Variants in CCDC68 observed in about 807,000 individuals in gnomAD.
CCDC68 encodes coiled-coil domain-containing protein 68.
CCDC68 carries 45 observed loss-of-function variants against 47.1 expected under a neutral mutation model. That is an observed-to-expected ratio of 0.96 (90% CI 0.75 to 1.23). The LOEUF (loss-of-function observed/expected upper bound fraction) is 1.23, where lower values mean the gene tolerates loss of function less well. Ranked by LOEUF, CCDC68 falls within the 50% of genes most tolerant of loss-of-function variation. CCDC68 has a pLI of 0.00. For missense variants in CCDC68, 353 were observed against 373.6 expected, an observed-to-expected ratio of 0.94 and a Z score of 0.45; for synonymous variants, 131 against 129.5, an observed-to-expected ratio of 1.01 and a Z score of -0.08.
At chr18:54,952,564 A>C (rs565014203) in intron 1 of CCDC68, among the ~76,000 whole-genome samples, 2 of 152,238 alleles carry the variant, frequency 1.3e-5, no homozygotes, top group African/African-American at 2.4e-5. Context: ...CTATACAGTT[A>C]AATACATAGT....
At chr18:54,954,720 A>G (rs140607504) in intron 1 of CCDC68, 43 of 152,328 alleles carry the variant, frequency 2.8e-4, no homozygotes, top group African/African-American at 1.0e-3. Flanking sequence ...TACTTGCTAT[A>G]AAATCGTGAG....
At chr18:54,904,511 A>G (rs1913871432) in intron 11 of CCDC68, 96 bp from the exon 12 acceptor site, 3 of 883,836 alleles carry the variant, frequency 3.4e-6, no homozygotes, top group Non-Finnish European at 5.5e-6. Context: ...TACTATTCAC[A>G]TCAAATCTGA....
At chr18:54,939,450 C>T (rs557205348) in intron 4 of CCDC68, among the ~76,000 whole-genome samples, 43 of 152,116 alleles carry the variant, frequency 2.8e-4, no homozygotes, top group South Asian at 1.9e-3. Context: ...AGCCTAGATG[C>T]GGCCTTTCTA....
chr18:54,942,589 G>C lies in CCDC68; in HGVS notation c.117+86C>G, dbSNP rs751925094. 46 of 802,136 alleles carry C rather than the reference G, an allele frequency of 5.7e-5. No homozygotes were observed. The Admixed American group carries it at 1.0e-3, about 18-fold the overall frequency. 49.7% of individuals were successfully genotyped at this position (802,136 alleles called of 1,614,324 possible). On this transcript the variant is annotated intron_variant, in intron 3 of 11. Transcript: ENST00000591504. ...GGTTGTTCCTTTACATATGTTCTAT[G>C]GAGAGGGAAACAAAATCCTCCAGCC...
rs183183933 is a variant in CCDC68, at chr18:54,929,722, T to C, written c.601-840A>G. 5.2e-4 allele frequency among the ~76,000 whole-genome samples: 79 copies of C among 152,294 alleles called. 1 individual carries two copies. Among genetic ancestry groups the C allele is most frequent in the African/African-American group, 1.7e-3 (71 of 41,560 alleles). On this transcript the variant is annotated intron_variant, in intron 7 of 11. Transcript: ENST00000591504. ...AAACCATAATGCTGTTTAAAATTAC[T>C]TCCCGCTGCAGCATCTGAGTGAGTG...
chr18:54,937,304 A>C, intron 5 of CCDC68: 1 of 183,448 alleles, frequency 5.5e-6, no homozygotes, highest in Admixed American at 5.9e-5. Flanking sequence ...TAATGTCCAT[A>C]ACACTATTAA....
At chr18:54,938,880 G>A (rs905123962) in intron 4 of CCDC68, among the ~76,000 whole-genome samples, 1 of 152,164 alleles carries the variant, frequency 6.6e-6, no homozygotes, top group Non-Finnish European at 1.5e-5. Flanking sequence ...GCTTCTATTT[G>A]TTAAACACCT....
intron 10 of CCDC68, among the ~76,000 whole-genome samples, chr18:54,916,141 C>T (rs753362523): frequency 3.6e-4 from 54 of 152,096 alleles, no homozygotes; most frequent in Non-Finnish European, 6.8e-4. Flanking sequence ...TTACTGGGCA[C>T]TTGAGTGAAC....
intron 1 of CCDC68, among the ~76,000 whole-genome samples, chr18:54,953,126 T>C (rs185792719): frequency 1.3e-4 from 20 of 152,308 alleles, no homozygotes; most frequent in African/African-American, 4.6e-4. Flanking sequence ...ATGGTTCCAT[T>C]TGACATTCTA....
In CCDC68 at chr18:54,904,297, T is replaced by C. The variant is rs942657208; in HGVS notation, c.*61A>G. The C allele has an allele frequency of 1.5e-6, 2 of 1,321,040 alleles. No individual in the cohort carries two copies. The highest frequency in any genetic ancestry group is 3.5e-5 in the Admixed American group (2 of 57,330). The allele number at this position is 1,321,040 out of a possible 1,614,324, so 81.8% of individuals were successfully genotyped here. On this transcript the variant is annotated 3_prime_UTR_variant, in exon 12 of 12. Transcript: ENST00000591504. ...CCATTTTAACATGAAACTTGGGCTG[T>C]GTTTCAGAGAATAAATAAGACTCAC...
intron 1 of CCDC68, among the ~76,000 whole-genome samples, chr18:54,958,537 C>G (rs1192644251): frequency 6.6e-6 from 1 of 152,074 alleles, no homozygotes; most frequent in Non-Finnish European, 1.5e-5. Context: ...GTTTTGATTC[C>G]TAAAATAAAA....
chr18:54,956,795 G>A (rs2044719244), intron 1 of CCDC68, among the ~76,000 whole-genome samples: 1 of 152,142 alleles, frequency 6.6e-6, no homozygotes, highest in African/African-American at 2.4e-5. Flanking sequence ...GGGATATTTG[G>A]GGAATGATGA....
At chr18:54,919,136 G>C (rs1304749879) in intron 9 of CCDC68, 135 bp downstream of exon 9, 1 of 669,434 alleles carries the variant, frequency 1.5e-6, no homozygotes, top group Non-Finnish European at 2.7e-6. Flanking sequence ...GAGACATATT[G>C]CATGAGAAAC....
intron 2 of CCDC68, 117 bp from the exon 3 acceptor site, chr18:54,942,920 T>C (rs2044462731): frequency 1.5e-6 from 1 of 650,608 alleles, no homozygotes; most frequent in Non-Finnish European, 2.7e-6. Flanking sequence ...AGAAAAGCTA[T>C]AAATCATTGG....
At chr18:54,943,159 C>G (rs991819623) in intron 2 of CCDC68, among the ~76,000 whole-genome samples, 1 of 152,018 alleles carries the variant, frequency 6.6e-6, no homozygotes, top group Admixed American at 6.6e-5. Flanking sequence ...GTAGAATTAA[C>G]ATGATACAAT....
chr18:54,938,107 A>T lies in CCDC68; in HGVS notation c.205-10T>A. The T allele has an allele frequency of 6.2e-7, 1 of 1,604,676 alleles. No individual in the cohort carries two copies. Among genetic ancestry groups the T allele is most frequent in the South Asian group, 1.1e-5 (1 of 88,548 alleles). On this transcript the variant is annotated splice_polypyrimidine_tract_variant and intron_variant, in intron 4 of 11. Transcript: ENST00000591504. The stretch of plus-strand genomic sequence containing the variant: ...GAAGGTTTCCACAGTGCTGAAACGG[A>T]CAAATGAAAATCATAGACCTGACTA...
intron 1 of CCDC68, among the ~76,000 whole-genome samples, chr18:54,953,986 C>A (rs2044666071): frequency 9.0e-6 from 1 of 110,746 alleles, no homozygotes; most frequent in Non-Finnish European, 1.9e-5. Context: ...CCCTCCCCTC[C>A]CCTCCCCTCC....
At chr18:54,939,482 G>T (rs1568155348) in intron 4 of CCDC68, among the ~76,000 whole-genome samples, 1 of 152,076 alleles carries the variant, frequency 6.6e-6, no homozygotes, top group Non-Finnish European at 1.5e-5. Context: ...GTGATGCTGA[G>T]CTGCTGGGAC....
chr18:54,955,819 G>A (rs1455643256), intron 1 of CCDC68, among the ~76,000 whole-genome samples: 1 of 152,076 alleles, frequency 6.6e-6, no homozygotes, highest in Non-Finnish European at 1.5e-5. Flanking sequence ...CCAGGTTCAA[G>A]CAATTCTCCT....
Sources: gnomAD v4.1 joint callset for allele counts (sites outside exome capture counted in the v4.1 genomes callset) on GRCh38, gnomAD v4.1.1 for gene constraint, MANE v1.5 for transcripts, NCBI Gene and HGNC (gene_info 2026-07-23, HGNC 2026-07-21) for gene names.